The following UTP15 variants were observed in gnomAD, a reference collection of about 807,000 sequenced individuals.
UTP15 encodes UTP15 small subunit processome component, also known as U3 small nucleolar RNA-associated protein 15 homolog.
UTP15 carries 5 observed loss-of-function variants against 59.1 expected under a neutral mutation model. That is an observed-to-expected ratio of 0.08 (90% CI 0.04 to 0.18). UTP15 has a LOEUF of 0.18. Ranked by LOEUF, UTP15 falls within the 10% of genes least tolerant of loss-of-function variation. UTP15 has a pLI of 1.00. For synonymous variants in UTP15, 211 were observed against 212.2 expected (o/e 0.99, Z 0.05); for missense variants, 494 against 616.7 (o/e 0.80, Z 2.11).
At position 73,568,477 on chromosome 5, in the gene UTP15, G is replaced by A. The variant is rs369982076; in HGVS notation, c.241G>A (p.Asp81Asn). ...EPIKTFSRFK[D>N]TAYCATFRQD... ...TATAAAAACCTTTTCTCGATTTAAA[G>A]ACACAGCATACTGTGCTACTTTTCG... Residue 81 changes from aspartate to asparagine, a missense_variant, in exon 4 of 13, where the codon GAC becomes AAC. Asp to Asn is a conservative substitution (Grantham distance 23). Transcript: ENST00000296792. The A allele has an allele frequency of 1.2e-4, 190 of 1,613,740 alleles. No individual in the cohort carries two copies. The highest frequency in any genetic ancestry group is 1.5e-4 in the Non-Finnish European group (172 of 1,179,900).
chr5:73,567,247 T>C lies in UTP15; in HGVS notation c.-83-15T>C, dbSNP rs1231610285. On this transcript the variant is annotated splice_polypyrimidine_tract_variant and intron_variant, in intron 1 of 12. Coordinates refer to ENST00000296792, the MANE Select transcript of UTP15 (RefSeq NM_032175.4). Reference sequence around the variant, plus strand: ...ACAAGCTTATAATATGTATATAAAATATTTTATTTTTCAGAATTAAGGCAG... The same window carrying C: ...ACAAGCTTATAATATGTATATAAAACATTTTATTTTTCAGAATTAAGGCAG... 3 of 686,082 alleles carry C rather than the reference T, an allele frequency of 4.4e-6. No individual in the cohort carries two copies. 42.5% of individuals were successfully genotyped at this position (686,082 alleles called of 1,614,324 possible).
At chr5:73,575,246 C>T (rs976398119) in intron 7 of UTP15, among the ~76,000 whole-genome samples, 1 of 152,140 alleles carries the variant, frequency 6.6e-6, no homozygotes, top group African/African-American at 2.4e-5. Context: ...TCATGTTACT[C>T]GGCAATTTGG....
chr5:73,579,178 C>A (rs750391080), intron 11 of UTP15, 28 bp downstream of exon 11: 12 of 1,612,102 alleles, frequency 7.4e-6, no homozygotes, highest in Admixed American at 6.7e-5. Flanking sequence ...GAAACACTTA[C>A]ATTTTGCATC....
At chr5:73,578,362 G>T (rs554695398) in intron 9 of UTP15, 1 of 288,912 alleles carries the variant, frequency 3.5e-6, no homozygotes, top group East Asian at 1.0e-4. Context: ...ATTGATTCAG[G>T]ATTTCATTAC....
chr5:73,574,222 G>A (rs1240757970), intron 7 of UTP15, among the ~76,000 whole-genome samples: 1 of 151,876 alleles, frequency 6.6e-6, no homozygotes, highest in African/African-American at 2.4e-5. Context: ...TACTAGGGAG[G>A]CTGAGGCAGG....
At chr5:73,565,966 T>G in intron 1 of UTP15, 54 bp downstream of exon 1, 1 of 445,532 alleles carries the variant, frequency 2.2e-6, no homozygotes, top group Non-Finnish European at 4.5e-6. Flanking sequence ...CCGGCCTTCC[T>G]GTGTTAATCT....
rs1320100062 is a variant in UTP15, at chr5:73,579,721, G to A, written c.1340-156G>A. ...TGAAATTAATTTACTCAGAGGGATT[G>A]TTATACTTTCTATAAATCATTAATT... On this transcript the variant is annotated intron_variant, in intron 12 of 12. Coordinates refer to ENST00000296792, the MANE Select transcript of UTP15 (RefSeq NM_032175.4). Among the ~76,000 whole-genome samples, 10 of 152,158 alleles carry A rather than the reference G, an allele frequency of 6.6e-5. 1 individual carries two copies. In the South Asian group the frequency reaches 1.9e-3, roughly 28 times the overall value.
At chr5:73,568,085 AC>A in intron 2 of UTP15, 149 bp from the exon 3 acceptor site, 1 of 585,746 alleles carries the variant, frequency 1.7e-6, no homozygotes, top group Non-Finnish European at 2.9e-6. Context: ...TGAGATATGT[AC>A]CTTTTTTGCT....
intron 4 of UTP15, among the ~76,000 whole-genome samples, chr5:73,569,210 C>T (rs1197418111): frequency 6.6e-6 from 1 of 152,044 alleles, no homozygotes; most frequent in Non-Finnish European, 1.5e-5. Context: ...AGTGCCTTTG[C>T]TTCCATATTC....
At position 73,580,406 on chromosome 5, in the gene UTP15, A is replaced by G. The variant is rs1748265385; in HGVS notation, c.*312A>G. 1 of 193,486 alleles carries G rather than the reference A, an allele frequency of 5.2e-6. No homozygotes were observed. The highest frequency in any genetic ancestry group is 2.4e-5 in the African/African-American group (1 of 42,356). 12.0% of individuals were successfully genotyped at this position (193,486 alleles called of 1,614,324 possible). On this transcript the variant is annotated 3_prime_UTR_variant, in exon 13 of 13. Coordinates refer to ENST00000296792, the MANE Select transcript of UTP15 (RefSeq NM_032175.4). ...TGTATCAACATTTGGGTTGGTATTC[A>G]GATGGGAATTCAAATATGAATCCTC...
At chr5:73,577,160 T>TAAGACAATTGCTGGAATATGTAACTCG in intron 8 of UTP15, 124 bp downstream of exon 8, 1 of 734,116 alleles carries the variant, frequency 1.4e-6, no homozygotes, top group Non-Finnish European at 2.3e-6. Context: ...ATATTTGAGT[T>TAAGACAATTGCTGGAATATGTAACTCG]AAGACAATTG....
At chr5:73,571,424 A>G (rs1259862261) in intron 6 of UTP15, among the ~76,000 whole-genome samples, 2 of 152,042 alleles carry the variant, frequency 1.3e-5, no homozygotes, top group East Asian at 3.9e-4. Flanking sequence ...TTTTGCACAT[A>G]TTGCATTTTC....
chr5:73,576,500 G>A (rs1355327573), intron 7 of UTP15, among the ~76,000 whole-genome samples: 4 of 142,930 alleles, frequency 2.8e-5, no homozygotes, highest in African/African-American at 1.0e-4. Flanking sequence ...TTTAGACAGA[G>A]CTTTGCTCTT....
rs1033971886 is a variant in UTP15, at chr5:73,573,773, C to T, written c.809+1149C>T. The stretch of plus-strand genomic sequence containing the variant: ...ATTTTTAGTAGAGACAGAGTTTCGC[C>T]GTGATGGCCAGGCTGGTCTGGAACT... On this transcript the variant is annotated intron_variant, in intron 7 of 12. Coordinates refer to ENST00000296792, the MANE Select transcript of UTP15 (RefSeq NM_032175.4). Among the ~76,000 whole-genome samples the T allele has an allele frequency of 1.7e-4, 25 of 151,466 alleles. 1 individual carries two copies. Among genetic ancestry groups the T allele is most frequent in the Admixed American group, 1.3e-3 (20 of 15,176 alleles).
chr5:73,568,155 C>T (rs369324757), intron 2 of UTP15, 80 bp from the exon 3 acceptor site: 10 of 1,035,304 alleles, frequency 9.7e-6, no homozygotes, highest in Admixed American at 7.9e-5. Flanking sequence ...CAAAGAGAAA[C>T]GGTCTGTAAG....
At chr5:73,566,666 A>G (rs1231947768) in intron 1 of UTP15, among the ~76,000 whole-genome samples, 1 of 152,214 alleles carries the variant, frequency 6.6e-6, no homozygotes, top group Admixed American at 6.5e-5. Flanking sequence ...GCTTGATTGC[A>G]TGTTATTTAA....
In UTP15 at chr5:73,567,338, T is replaced by C; in HGVS notation, c.-7T>C. ...ACTCTTGGACAATAGTGCAATTATA[T>C]GGAATTATGGCTGGTTATAAGCCTG... On this transcript the variant is annotated 5_prime_UTR_variant, in exon 2 of 13. It removes an upstream start codon present in the reference 5' UTR. Transcript: ENST00000296792. 1 of 1,584,040 alleles carries C rather than the reference T, an allele frequency of 6.3e-7. No homozygotes were observed.
Position 73,579,929 on chromosome 5 carries a change from A to G in UTP15, c.1392A>G (p.Leu464=). 6.2e-7 allele frequency: 1 copy of G among 1,613,646 alleles called. No individual in the cohort carries two copies. Among genetic ancestry groups the G allele is most frequent in the Non-Finnish European group, 8.5e-7 (1 of 1,179,686 alleles). ...GQSPVVDKKF[L]LLQGLVEKEI... is the part of the protein sequence containing the mutation. ...CCCCTGTAGTTGATAAAAAGTTTTTACTACTTCAAGGACTTGTAGAAAAAG... is the reference window on the plus strand; with the variant it reads ...CCCCTGTAGTTGATAAAAAGTTTTTGCTACTTCAAGGACTTGTAGAAAAAG... Residue 464 remains leucine, a synonymous_variant, in exon 13 of 13, where the codon TTA becomes TTG. Coordinates refer to ENST00000296792, the MANE Select transcript of UTP15 (RefSeq NM_032175.4).
At chr5:73,577,100 G>A (rs1748126960) in intron 8 of UTP15, 64 bp downstream of exon 8, 2 of 1,244,368 alleles carry the variant, frequency 1.6e-6, no homozygotes, top group Non-Finnish European at 1.1e-6. Flanking sequence ...AACTAAAATG[G>A]AACTTTGGGC....
Sources: allele counts gnomAD v4.1 joint callset (sites outside exome capture counted in the v4.1 genomes callset), GRCh38; gene constraint gnomAD v4.1.1; transcripts MANE v1.5; gene names NCBI Gene and HGNC (gene_info 2026-07-23, HGNC 2026-07-21).